The following UBLCP1 variants were observed in gnomAD, a reference collection of about 807,000 sequenced individuals.
The protein encoded by UBLCP1 is ubiquitin-like domain-containing CTD phosphatase 1.
In UBLCP1, 28 loss-of-function variants were observed where a neutral mutation model predicts 42.4. The ratio of observed to expected loss-of-function variants is 0.66; its 90% CI spans 0.49 to 0.90. UBLCP1 has a LOEUF of 0.90. Among genes scored for constraint, UBLCP1 ranks in the 40% least tolerant of loss-of-function variants. The probability of loss-of-function intolerance (pLI) is 0.00; values close to 1 mark genes in which losing one functional copy is unlikely to be tolerated. For synonymous variants in UBLCP1, 122 were observed against 120.8 expected (o/e 1.01, Z -0.07); for missense variants, 279 against 374.5 (o/e 0.75, Z 2.10).
chr5:159,278,316 G>A lies in UBLCP1; in HGVS notation c.763G>A (p.Gly255Arg). The A allele has an allele frequency of 1.2e-6, 2 of 1,613,742 alleles. No homozygotes were observed. The highest frequency in any genetic ancestry group is 8.5e-7 in the Non-Finnish European group (1 of 1,179,792). The change falls in exon 9 of 11, where the codon GGG becomes AGG. Residue 255 changes from glycine to arginine, a missense_variant. Gly to Arg is a moderately radical substitution (Grantham distance 125). Transcript: ENST00000296786. ...AAACACCATTATGTTTGATGACATAGGGAGAAATTTTCTAATGAACCCACA... is the reference window on the plus strand; with the variant it reads ...AAACACCATTATGTTTGATGACATAAGGAGAAATTTTCTAATGAACCCACA... ...KKNTIMFDDI[G>R]RNFLMNPQNG... is the part of the protein sequence containing the mutation.
At chr5:159,265,858 AT>A (rs1360006302) in intron 1 of UBLCP1, among the ~76,000 whole-genome samples, 2 of 151,336 alleles carry the variant, frequency 1.3e-5, no homozygotes, top group Non-Finnish European at 2.9e-5. Context: ...TTTTTTTTGT[AT>A]TTTTAGTAGA....
Position 159,268,910 on chromosome 5 carries a change from T to C in UBLCP1, c.-6T>C. On this transcript the variant is annotated 5_prime_UTR_variant, in exon 2 of 11. Coordinates refer to ENST00000296786, the MANE Select transcript of UBLCP1 (RefSeq NM_145049.5). ...AAGGAAAGCTGCTTCCTCATATGTT[T>C]CAAGAATGGCTCTCCCTATCATTGT... 1 of 1,602,844 alleles carries C rather than the reference T, an allele frequency of 6.2e-7. No homozygotes were observed. Among genetic ancestry groups the C allele is most frequent in the South Asian group, 1.1e-5 (1 of 87,504 alleles).
intron 2 of UBLCP1, among the ~76,000 whole-genome samples, chr5:159,269,542 G>C (rs1034221179): frequency 6.6e-6 from 1 of 152,200 alleles, no homozygotes; most frequent in Non-Finnish European, 1.5e-5. Flanking sequence ...ATTGAAGAGT[G>C]AGTTTTGAGT....
At chr5:159,270,740 C>A in intron 5 of UBLCP1, 97 bp downstream of exon 5, 3 of 705,698 alleles carry the variant, frequency 4.3e-6, no homozygotes, top group South Asian at 2.7e-5. Flanking sequence ...TCATGGTTCT[C>A]GTGAAATACT....
At chr5:159,270,145 C>T in intron 3 of UBLCP1, 146 bp downstream of exon 3, 2 of 772,806 alleles carry the variant, frequency 2.6e-6, no homozygotes, top group Non-Finnish European at 4.1e-6. Flanking sequence ...GTGTTATTAA[C>T]TGTATAAGTA....
chr5:159,264,011 C>T (rs1753341427), intron 1 of UBLCP1, among the ~76,000 whole-genome samples: 1 of 152,180 alleles, frequency 6.6e-6, no homozygotes, highest in African/African-American at 2.4e-5. Flanking sequence ...AATTGTTTAG[C>T]ATGTTTTTAT....
chr5:159,284,240 C>G (rs756969857), intron 10 of UBLCP1, among the ~76,000 whole-genome samples: 1 of 152,108 alleles, frequency 6.6e-6, no homozygotes, highest in Non-Finnish European at 1.5e-5. Flanking sequence ...ACAAAGTGAG[C>G]AAATTGTACC....
chr5:159,267,419 AT>A (rs1426072691), intron 1 of UBLCP1, among the ~76,000 whole-genome samples: 3 of 152,222 alleles, frequency 2.0e-5, no homozygotes, highest in African/African-American at 7.2e-5. Flanking sequence ...TAGGAAGTAA[AT>A]AGCTTTCTTT....
Position 159,272,112 on chromosome 5 carries a change from G to T in UBLCP1, c.538G>T (p.Val180Phe). 6.2e-7 allele frequency: 1 copy of T among 1,612,014 alleles called. No individual in the cohort carries two copies. The highest frequency in any genetic ancestry group is 8.5e-7 in the Non-Finnish European group (1 of 1,178,930). Reference protein sequence around the residue: ...LTSAYEDYDIVIWSATNMKWI... With the variant: ...LTSAYEDYDIFIWSATNMKWI... ...ATCTGCCTATGAAGATTATGACATT[G>T]TTATTTGGTGTAAGCTGTATTTTTT... Residue 180 changes from valine to phenylalanine, a missense_variant, in exon 6 of 11, where the codon GTT (valine) becomes TTT (phenylalanine). By Grantham distance (50) the Val-to-Phe change is conservative. Coordinates refer to ENST00000296786, the MANE Select transcript of UBLCP1 (RefSeq NM_145049.5).
intron 1 of UBLCP1, among the ~76,000 whole-genome samples, chr5:159,266,858 A>G (rs911299140): frequency 1.3e-5 from 2 of 152,208 alleles, no homozygotes; most frequent in African/African-American, 4.8e-5. Context: ...CTGTGGGTAC[A>G]CAGAAGTCAA....
Position 159,278,232 on chromosome 5 carries a change from T to C in UBLCP1, c.685-6T>C, listed in dbSNP as rs761164436. On this transcript the variant is annotated splice_polypyrimidine_tract_variant and splice_region_variant and intron_variant, in intron 8 of 10. Transcript: ENST00000296786. ...ATTTGAGTTAAATGTAAACTTTTAT[T>C]CTAAGGTAAAGCCTCTTGGTGTTAT... 1.9e-6 allele frequency: 3 copies of C among 1,589,150 alleles called. No homozygotes were observed. Among genetic ancestry groups the C allele is most frequent in the African/African-American group, 2.7e-5 (2 of 74,256 alleles).
chr5:159,285,033 C>T lies in UBLCP1; in HGVS notation c.*102C>T. ...ATAGTGCTGGACACTGAAGCAAATA[C>T]CATACTGCTTATACTTGGTCTTCCA... On this transcript the variant is annotated 3_prime_UTR_variant, in exon 11 of 11. Transcript: ENST00000296786. 7.3e-6 allele frequency: 8 copies of T among 1,092,606 alleles called. No homozygotes were observed. Among genetic ancestry groups the T allele is most frequent in the Non-Finnish European group, 8.3e-6 (6 of 724,166 alleles). The allele number at this position is 1,092,606 out of a possible 1,614,324, so 67.7% of individuals were successfully genotyped here. A position where few individuals can be genotyped will look rare whatever the true frequency, so the allele number is the denominator to read the frequency against.
intron 9 of UBLCP1, among the ~76,000 whole-genome samples, chr5:159,281,322 T>C (rs1398973199): frequency 6.6e-6 from 1 of 152,156 alleles, no homozygotes; most frequent in Non-Finnish European, 1.5e-5. Context: ...AGGAAGTGAA[T>C]GAAGGAATAC....
rs1753333777 is a variant in UBLCP1, at chr5:159,263,778, C to T, written c.-47+418C>T. Among the ~76,000 whole-genome samples the T allele has an allele frequency of 2.0e-5, 3 of 152,172 alleles. No individual in the cohort carries two copies. In the South Asian group the frequency reaches 6.2e-4, roughly 32 times the overall value. The stretch of plus-strand genomic sequence containing the variant: ...GCAGTTGTTGCTGGTGTGCGGTTCT[C>T]GCCGGAGTTCTTAGTGCTTCACGGT... On this transcript the variant is annotated intron_variant, in intron 1 of 10. Coordinates refer to ENST00000296786, the MANE Select transcript of UBLCP1 (RefSeq NM_145049.5).
At position 159,278,248 on chromosome 5, in the gene UBLCP1, T is replaced by G. The variant is rs1562100805; in HGVS notation, c.695T>G (p.Leu232Arg). The change falls in exon 9 of 11, where the codon CTT (leucine) becomes CGT (arginine). Residue 232 changes from leucine to arginine, a missense_variant. Leu to Arg is a moderately radical substitution (Grantham distance 102). Transcript: ENST00000296786. Reference protein sequence around the residue: ...PRRGLIDVKPLGVIWGKFSEF... With the variant: ...PRRGLIDVKPRGVIWGKFSEF... ...AACTTTTATTCTAAGGTAAAGCCTC[T>G]TGGTGTTATATGGGGAAAGTTTTCG... 3 of 1,610,468 alleles carry G rather than the reference T, an allele frequency of 1.9e-6. No homozygotes were observed. Among genetic ancestry groups the G allele is most frequent in the Non-Finnish European group, 2.5e-6 (3 of 1,176,756 alleles).
chr5:159,267,173 G>T (rs1169267670), intron 1 of UBLCP1, among the ~76,000 whole-genome samples: 1 of 152,204 alleles, frequency 6.6e-6, no homozygotes, highest in Non-Finnish European at 1.5e-5. Flanking sequence ...CTGGGAGGGA[G>T]GGTTTACCTT....
In UBLCP1 at chr5:159,283,212, A is replaced by G; in HGVS notation, c.802A>G (p.Ile268Val). ...FLMNPQNGLK[I>V]RPFMKAHLNR... ...TTGAGTAATGTTTGTTTCCTAATAGATAAGGCCTTTTATGAAAGCGCACCT... is the reference window on the plus strand; with the variant it reads ...TTGAGTAATGTTTGTTTCCTAATAGGTAAGGCCTTTTATGAAAGCGCACCT... The change falls in exon 10 of 11, where the codon ATA (isoleucine) becomes GTA (valine). Residue 268 changes from isoleucine to valine, a missense_variant and splice_region_variant. Ile to Val is a conservative substitution (Grantham distance 29). Transcript: ENST00000296786. The G allele has an allele frequency of 1.9e-6, 3 of 1,603,870 alleles. No individual in the cohort carries two copies. Among genetic ancestry groups the G allele is most frequent in the Non-Finnish European group, 2.6e-6 (3 of 1,176,410 alleles).
intron 1 of UBLCP1, among the ~76,000 whole-genome samples, chr5:159,265,686 G>A (rs1753381503): frequency 6.6e-6 from 1 of 152,134 alleles, no homozygotes; most frequent in Non-Finnish European, 1.5e-5. Context: ...GAGATCTGAT[G>A]GATTTATCAG....
chr5:159,271,879 C>G (rs1753471039), intron 5 of UBLCP1, 144 bp from the exon 6 acceptor site: 1 of 513,824 alleles, frequency 1.9e-6, no homozygotes, highest in Admixed American at 3.4e-5. Flanking sequence ...ATCTTTTTGT[C>G]AGCCAACGTA....
Sources: gnomAD v4.1 joint callset for allele counts (sites outside exome capture counted in the v4.1 genomes callset) on GRCh38, gnomAD v4.1.1 for gene constraint, MANE v1.5 for transcripts, NCBI Gene and HGNC (gene_info 2026-07-23, HGNC 2026-07-21) for gene names.